ZBTB21: variants seen among roughly 807,000 people sequenced by gnomAD.
The protein encoded by ZBTB21 is zinc finger and BTB domain containing 21.
A neutral mutation model predicts 39.8 loss-of-function variants in ZBTB21; 10 were observed. The observed-to-expected ratio is 0.25, with a 90% CI of 0.16 to 0.43. The LOEUF is 0.43. Among genes scored for constraint, ZBTB21 ranks in the 20% least tolerant of loss-of-function variants. ZBTB21 has a pLI of 1.00. For missense variants in ZBTB21, 1,221 were observed against 1,296.3 expected, an observed-to-expected ratio of 0.94 and a Z score of 0.89; for synonymous variants, 551 against 498.8, an observed-to-expected ratio of 1.10 and a Z score of -1.40.
At position 41,993,030 on chromosome 21, in the gene ZBTB21, A is replaced by T; in HGVS notation, c.1066T>A (p.Ser356Thr). 2.5e-6 allele frequency: 4 copies of T among 1,614,192 alleles called. No homozygotes were observed. Among genetic ancestry groups the T allele is most frequent in the Non-Finnish European group, 3.4e-6 (4 of 1,180,040 alleles). ...CCCTGGGAAGATTTCAAATCTATGG[A>T]AGGTGAATAGACAGGAACCTGGCTA... The part of the protein sequence containing the change: ...MDSQVPVYSP[S>T]IDLKSSQGSS... Residue 356 changes from serine (S) to threonine (T), a missense_variant, in exon 3 of 3, where the codon TCC becomes ACC. Physicochemically the swap from Ser to Thr is moderately conservative, Grantham distance 58 (BLOSUM62 1). Around this residue, in one of 4 missense-constraint regions of ZBTB21, gnomAD observed 500 missense variants for 465.6 expected, o/e 1.07. Coordinates refer to ENST00000310826, the MANE Select transcript of ZBTB21 (RefSeq NM_001098402.2).
At chr21:41,996,642 G>A (rs796276733) in intron 2 of ZBTB21, among the ~76,000 whole-genome samples, 3 of 152,192 alleles carry the variant, frequency 2.0e-5, no homozygotes, top group Non-Finnish European at 2.9e-5. Context: ...AGACTTTGGG[G>A]GACTGTTGGG....
chr21:42,002,113 C>T (rs1416705971), intron 2 of ZBTB21, among the ~76,000 whole-genome samples: 5 of 152,168 alleles, frequency 3.3e-5, no homozygotes, highest in Non-Finnish European at 7.4e-5. Context: ...CAACATTGTC[C>T]ATTCTCCCCA....
At position 41,987,990 on chromosome 21, in the gene ZBTB21, C is replaced by G. The variant is rs2065600308; in HGVS notation, c.*2905G>C. On this transcript the variant is annotated 3_prime_UTR_variant, in exon 3 of 3. Transcript: ENST00000310826. ...AACGTTCCATTCCAAACCAGAAAAC[C>G]AAGAACATCACACATCTCCCCACAA... 2.6e-5 allele frequency: 4 copies of G among 152,306 alleles called. No homozygotes were observed. In the South Asian group the frequency reaches 8.3e-4, roughly 32 times the overall value. The allele number at this position is 152,306 out of a possible 1,614,324, so 9.4% of individuals were successfully genotyped here.
At position 41,991,536 on chromosome 21, in the gene ZBTB21, C is replaced by A; in HGVS notation, c.2560G>T (p.Val854Phe). ...GAGGAATCTTCCGAGTCGAAGTTAA[C>A]TTGTTCTGAAGAATCACTGAACACG... ...DNVFSDSSEQ[V>F]NFDSEDSSCL... The change falls in exon 3 of 3, where the codon GTT (valine) becomes TTT (phenylalanine). Residue 854 changes from valine to phenylalanine, a missense_variant. This residue lies in a region of ZBTB21 where 523 missense variants were observed against 542.5 expected (regional missense o/e 0.96). Coordinates refer to ENST00000310826, the MANE Select transcript of ZBTB21 (RefSeq NM_001098402.2). This position sits in a 1 kb window ranked among gnomAD's most constrained non-coding sequence, Gnocchi z 4.9. 3 of 1,614,226 alleles carry A rather than the reference C, an allele frequency of 1.9e-6. No homozygotes were observed. Among genetic ancestry groups the A allele is most frequent in the Non-Finnish European group, 2.5e-6 (3 of 1,180,050 alleles).
intron 1 of ZBTB21, among the ~76,000 whole-genome samples, chr21:42,007,332 C>A (rs2065890571): frequency 6.6e-6 from 1 of 152,198 alleles, no homozygotes; most frequent in African/African-American, 2.4e-5. Context: ...CACTGCCCTG[C>A]TTTGGAGTAC....
intron 2 of ZBTB21, among the ~76,000 whole-genome samples, chr21:41,997,861 C>T (rs1382618491): frequency 2.0e-5 from 3 of 151,960 alleles, no homozygotes; most frequent in Non-Finnish European, 2.9e-5. Context: ...GGTTGAGATG[C>T]CAGTTCCTTG....
At position 42,002,919 on chromosome 21, in the gene ZBTB21, T is replaced by TA. The variant is rs1290810815; in HGVS notation, c.-37dup. 1.3e-5 allele frequency: 2 copies of TA among 152,354 alleles called. No homozygotes were observed. The highest frequency in any genetic ancestry group is 3.9e-4 in the East Asian group (2 of 5,186). 9.4% of individuals were successfully genotyped at this position (152,354 alleles called of 1,614,324 possible). A position where few individuals can be genotyped will look rare whatever the true frequency, so the allele number is the denominator to read the frequency against. On this transcript the variant is annotated 5_prime_UTR_variant, in exon 2 of 3. Coordinates refer to ENST00000310826, the MANE Select transcript of ZBTB21 (RefSeq NM_001098402.2). ...TACCACTTTGATCCTCGCACACAAA[T>TA]AGCTTCCCAAAGCCTTCCTGGATTG...
chr21:42,008,695 G>A (rs1047304375), intron 1 of ZBTB21, among the ~76,000 whole-genome samples: 4 of 151,804 alleles, frequency 2.6e-5, no homozygotes, highest in African/African-American at 9.7e-5. Flanking sequence ...ATTCAACAGT[G>A]TAAGTTCCTC....
rs1363235634 is a variant in ZBTB21, at chr21:41,991,010, T to TA, written c.3085dup (p.Tyr1029LeufsTer12). On this transcript the variant is annotated frameshift_variant, in exon 3 of 3. Transcript: ENST00000310826. LOFTEE classifies it high-confidence loss of function. The surrounding 1 kb of genome is among the most constrained non-coding windows in gnomAD (Gnocchi z 4.9). Reference sequence around the variant, plus strand: ...GATTGCTGAAAGGGGTGGGGCATGGTAAAAAAGGGTGTCTGATTCTTGGGG... The same window carrying TA: ...GATTGCTGAAAGGGGTGGGGCATGGTAAAAAAAGGGTGTCTGATTCTTGGGG... The TA allele has an allele frequency of 4.5e-6, 7 of 1,568,608 alleles. No individual in the cohort carries two copies. Among genetic ancestry groups the TA allele is most frequent in the Admixed American group, 1.9e-5 (1 of 52,568 alleles).
chr21:41,995,181 G>C (rs1347210993), intron 2 of ZBTB21, among the ~76,000 whole-genome samples: 4 of 152,238 alleles, frequency 2.6e-5, no homozygotes, highest in Non-Finnish European at 2.9e-5. Flanking sequence ...AGCGACTTTG[G>C]AACTGGGTAA....
chr21:41,991,631 C>T lies in ZBTB21; in HGVS notation c.2465G>A (p.Gly822Asp), dbSNP rs1204488413. The change falls in exon 3 of 3, where the codon GGT becomes GAT. Residue 822 changes from glycine (G) to aspartate (D), a missense_variant. By Grantham distance (94) the Gly-to-Asp change is moderately conservative. Coordinates refer to ENST00000310826, the MANE Select transcript of ZBTB21 (RefSeq NM_001098402.2). This position sits in a 1 kb window ranked among gnomAD's most constrained non-coding sequence, Gnocchi z 4.9. Reference protein sequence around the residue: ...PVLDHNGDVTGSSRPQSQPEP... With the variant: ...PVLDHNGDVTDSSRPQSQPEP... Reference sequence around the variant, plus strand: ...AGGCTGGGATTGGGGCCTTGAAGAACCAGTCACATCACCATTGTGGTCCAA... The same window carrying T: ...AGGCTGGGATTGGGGCCTTGAAGAATCAGTCACATCACCATTGTGGTCCAA... 1.2e-6 allele frequency: 2 copies of T among 1,614,010 alleles called. No individual in the cohort carries two copies. Among genetic ancestry groups the T allele is most frequent in the African/African-American group, 2.7e-5 (2 of 74,904 alleles).
At chr21:41,998,205 T>C (rs2065774669) in intron 2 of ZBTB21, among the ~76,000 whole-genome samples, 1 of 151,684 alleles carries the variant, frequency 6.6e-6, no homozygotes, top group African/African-American at 2.4e-5. Context: ...TTTTTTTTTT[T>C]TTTCTAGACA....
chr21:42,001,122 G>A (rs1295915492), intron 2 of ZBTB21, among the ~76,000 whole-genome samples: 1 of 152,156 alleles, frequency 6.6e-6, no homozygotes, highest in South Asian at 2.1e-4. Context: ...AGACGGTCAA[G>A]TAACATGCTC....
At chr21:42,002,810 G>T (rs894922122) in intron 2 of ZBTB21, 87 bp downstream of exon 2, 2 of 152,136 alleles carry the variant, frequency 1.3e-5, no homozygotes, top group African/African-American at 4.8e-5. Flanking sequence ...GAAATTTGGA[G>T]AAAAGGTCTA....
chr21:41,996,036 C>T (rs1193077024), intron 2 of ZBTB21, among the ~76,000 whole-genome samples: 1 of 152,242 alleles, frequency 6.6e-6, no homozygotes, highest in African/African-American at 2.4e-5. Flanking sequence ...AAGTCTGCTG[C>T]AGGGCTGTGT....
Position 41,991,669 on chromosome 21 carries a change from A to G in ZBTB21, c.2427T>C (p.Phe809=). 2 of 1,614,214 alleles carry G rather than the reference A, an allele frequency of 1.2e-6. No homozygotes were observed. Among genetic ancestry groups the G allele is most frequent in the Non-Finnish European group, 1.7e-6 (2 of 1,180,046 alleles). ...NQNNMAPTEN[F]SLPVLDHNGD... The stretch of plus-strand genomic sequence containing the variant: ...CATTGTGGTCCAAAACGGGCAAAGA[A>G]AAGTTTTCGGTGGGTGCCATGTTGT... The change falls in exon 3 of 3, where the codon TTT becomes TTC. Residue 809 remains phenylalanine (F), a synonymous_variant. Transcript: ENST00000310826. This position sits in a 1 kb window ranked among gnomAD's most constrained non-coding sequence, Gnocchi z 4.9.
intron 1 of ZBTB21, among the ~76,000 whole-genome samples, chr21:42,004,956 G>T (rs1423352713): frequency 6.6e-6 from 1 of 152,162 alleles, no homozygotes; most frequent in Admixed American, 6.5e-5. Flanking sequence ...TGGTGACAAC[G>T]CAAATATCCT....
chr21:42,009,427 A>G (rs2065928379), intron 1 of ZBTB21: 3 of 152,156 alleles, frequency 2.0e-5, no homozygotes, highest in Non-Finnish European at 2.9e-5. Context: ...TAAGGCCGGC[A>G]CGGGTGGCGT....
intron 1 of ZBTB21, among the ~76,000 whole-genome samples, chr21:42,005,096 C>G (rs762639875): frequency 1.3e-5 from 2 of 152,184 alleles, no homozygotes; most frequent in Non-Finnish European, 2.9e-5. Context: ...TGTTCTTGGC[C>G]ACATTCAGGA....
Sources: allele counts gnomAD v4.1 joint callset (sites outside exome capture counted in the v4.1 genomes callset), GRCh38; gene constraint gnomAD v4.1.1; regional missense constraint gnomAD v4.1.1; non-coding constraint Gnocchi (gnomAD v3.1); transcripts MANE v1.5; gene names NCBI Gene and HGNC (gene_info 2026-07-23, HGNC 2026-07-21).